The following CTDSPL2 variants were observed in gnomAD, a reference collection of about 807,000 sequenced individuals.
The protein encoded by CTDSPL2 is CTD small phosphatase like 2.
Under a neutral mutation model 60.0 loss-of-function variants are expected in CTDSPL2, and 5 were observed. The ratio of observed to expected loss-of-function variants is 0.08; its 90% CI spans 0.04 to 0.18. CTDSPL2 has a LOEUF of 0.18. Ranked by LOEUF, CTDSPL2 falls within the 10% of genes least tolerant of loss-of-function variation. CTDSPL2 has a pLI of 1.00. For missense variants in CTDSPL2, 370 were observed against 548.8 expected (o/e 0.67, Z 3.26); for synonymous variants, 186 against 189.3 (o/e 0.98, Z 0.14).
rs1434344877 is a variant in CTDSPL2, at chr15:44,527,432, ATCTCATCAATGAAGAAAGCAT to A, written c.*3260_*3280del. On this transcript the variant is annotated 3_prime_UTR_variant, in exon 13 of 13. Transcript: ENST00000260327. The stretch of plus-strand genomic sequence containing the variant: ...AACTTGCCTGAAAAACAGAGACTTC[ATCTCATCAATGAAGAAAGCAT>A]TTCATTATTCCTACAGATCTTTCCT... 3 of 152,184 alleles carry A rather than the reference ATCTCATCAATGAAGAAAGCAT, an allele frequency of 2.0e-5. No homozygotes were observed. Among genetic ancestry groups the A allele is most frequent in the Non-Finnish European group, 4.4e-5 (3 of 68,002 alleles). The allele number at this position is 152,184 out of a possible 1,614,324, so 9.4% of individuals were successfully genotyped here.
intron 1 of CTDSPL2, among the ~76,000 whole-genome samples, chr15:44,453,425 T>G (rs2080370170): frequency 6.6e-6 from 1 of 152,154 alleles, no homozygotes; most frequent in South Asian, 2.1e-4. Flanking sequence ...TGTTTTTTAC[T>G]TAAATTCTTT....
intron 1 of CTDSPL2, among the ~76,000 whole-genome samples, chr15:44,453,703 G>A (rs544620593): frequency 3.3e-5 from 5 of 151,776 alleles, no homozygotes; most frequent in African/African-American, 9.7e-5. Flanking sequence ...GTGATAGTTT[G>A]CTGAGAATGA....
At chr15:44,509,197 T>G (rs2081523728) in intron 8 of CTDSPL2, among the ~76,000 whole-genome samples, 1 of 152,174 alleles carries the variant, frequency 6.6e-6, no homozygotes, top group East Asian at 1.9e-4. Context: ...TTATTTTTAT[T>G]TTTTTTATTT....
chr15:44,436,103 A>G (rs1220799431), intron 1 of CTDSPL2, among the ~76,000 whole-genome samples: 1 of 152,224 alleles, frequency 6.6e-6, no homozygotes, highest in African/African-American at 2.4e-5. Flanking sequence ...TAGTCAGGCT[A>G]GAAATGTAGA....
intron 5 of CTDSPL2, among the ~76,000 whole-genome samples, chr15:44,495,938 A>C (rs1238385457): frequency 6.6e-6 from 1 of 152,144 alleles, no homozygotes; most frequent in Admixed American, 6.5e-5. Flanking sequence ...ATCTCAAAAA[A>C]AAAACACAAA....
At chr15:44,432,195 C>T (rs2079873861) in intron 1 of CTDSPL2, among the ~76,000 whole-genome samples, 1 of 151,582 alleles carries the variant, frequency 6.6e-6, no homozygotes, top group Admixed American at 6.6e-5. Flanking sequence ...GAGTGTGGCC[C>T]CAAGAAGAAT....
intron 2 of CTDSPL2, among the ~76,000 whole-genome samples, chr15:44,473,293 C>T (rs1053156949): frequency 6.6e-6 from 1 of 151,908 alleles, no homozygotes; most frequent in Non-Finnish European, 1.5e-5. Flanking sequence ...AAAGATTTAT[C>T]CCTAGATTTT....
At chr15:44,460,366 C>T (rs907202580) in intron 2 of CTDSPL2, among the ~76,000 whole-genome samples, 6 of 152,120 alleles carry the variant, frequency 3.9e-5, no homozygotes, top group Admixed American at 1.3e-4. Context: ...CCTCGGCCTC[C>T]CAAAGTGCTG....
intron 2 of CTDSPL2, among the ~76,000 whole-genome samples, chr15:44,463,207 T>C (rs945962186): frequency 6.6e-6 from 1 of 152,214 alleles, no homozygotes; most frequent in Non-Finnish European, 1.5e-5. Flanking sequence ...AGTGGCACGA[T>C]GTCAGCTCAC....
At chr15:44,471,864 AGTCTATTAT>A (rs1327149152) in intron 2 of CTDSPL2, among the ~76,000 whole-genome samples, 1 of 151,944 alleles carries the variant, frequency 6.6e-6, no homozygotes, top group African/African-American at 2.4e-5. Flanking sequence ...ATGAAACCAT[AGTCTATTAT>A]GTCTGGCTTC....
chr15:44,463,505 G>C (rs1325479514), intron 2 of CTDSPL2, among the ~76,000 whole-genome samples: 1 of 152,126 alleles, frequency 6.6e-6, no homozygotes, highest in African/African-American at 2.4e-5. Context: ...TCACTTTATT[G>C]TGCTGTAACT....
At chr15:44,445,534 G>A (rs74471170) in intron 1 of CTDSPL2, among the ~76,000 whole-genome samples, 1,770 of 152,032 alleles carry the variant, frequency 0.012, 35 homozygotes, top group African/African-American at 0.041. Context: ...GGTTAACTAT[G>A]TACATAGGAG....
chr15:44,466,453 C>T (rs942563760), intron 2 of CTDSPL2, among the ~76,000 whole-genome samples: 1 of 152,250 alleles, frequency 6.6e-6, no homozygotes, highest in Non-Finnish European at 1.5e-5. Context: ...CATTCATTCT[C>T]TTCCCACCAC....
At chr15:44,499,134 G>C (rs576559125) in intron 7 of CTDSPL2, among the ~76,000 whole-genome samples, 1 of 152,210 alleles carries the variant, frequency 6.6e-6, no homozygotes, top group African/African-American at 2.4e-5. Flanking sequence ...TTGTTGCCAG[G>C]CACGGTGGCT....
chr15:44,455,589 C>T (rs1212694430), intron 1 of CTDSPL2, among the ~76,000 whole-genome samples: 1 of 152,116 alleles, frequency 6.6e-6, no homozygotes. Flanking sequence ...TTTTGAGATA[C>T]ATCCCATCAA....
At chr15:44,476,727 T>C (rs1567081982) in intron 2 of CTDSPL2, among the ~76,000 whole-genome samples, 2 of 152,214 alleles carry the variant, frequency 1.3e-5, no homozygotes, top group African/African-American at 2.4e-5. Flanking sequence ...AATATCATCT[T>C]GGTTTGTGTA....
intron 5 of CTDSPL2, among the ~76,000 whole-genome samples, chr15:44,494,036 T>A (rs766193907): frequency 6.6e-6 from 1 of 152,232 alleles, no homozygotes; most frequent in Non-Finnish European, 1.5e-5. Flanking sequence ...CTTGAAAGAC[T>A]ATTATCTACC....
chr15:44,462,735 C>G (rs891616538), intron 2 of CTDSPL2, among the ~76,000 whole-genome samples: 2 of 115,012 alleles, frequency 1.7e-5, no homozygotes, highest in African/African-American at 3.9e-5. Context: ...GAGACGGAGT[C>G]TTGGTCTGTT....
intron 2 of CTDSPL2, among the ~76,000 whole-genome samples, chr15:44,479,995 T>G (rs937110214): frequency 3.9e-5 from 6 of 152,238 alleles, no homozygotes; most frequent in African/African-American, 1.4e-4. Context: ...GAGTTTTGTC[T>G]TTTATTTCTA....
Sources: allele counts gnomAD v4.1 joint callset (sites outside exome capture counted in the v4.1 genomes callset), GRCh38; gene constraint gnomAD v4.1.1; transcripts MANE v1.5; gene names NCBI Gene and HGNC (gene_info 2026-07-23, HGNC 2026-07-21).